Variants in DMD observed in about 807,000 individuals in gnomAD.
The protein encoded by DMD is dystrophin.
Under a neutral mutation model 330.1 loss-of-function variants are expected in DMD, and 63 were observed. The observed-to-expected ratio is 0.19, with a 90% CI of 0.16 to 0.24. DMD has a LOEUF of 0.24. DMD is among the 10% of genes least tolerant of loss of function. The pLI, the probability that DMD is intolerant of heterozygous loss-of-function variation, is 1.00. For missense variants in DMD, 3,344 were observed against 2,684.1 expected, an observed-to-expected ratio of 1.25 and a Z score of -5.43; for synonymous variants, 1,223 against 959.8, an observed-to-expected ratio of 1.27 and a Z score of -5.07.
intron 44 of DMD, among the ~76,000 whole-genome samples, chrX:32,171,872 T>C (rs1268028143): frequency 9.0e-6 from 1 of 111,600 alleles, no homozygotes; most frequent in Non-Finnish European, 1.9e-5. Context: ...TAACAATGTG[T>C]AATATTGATC....
chrX:31,120,897 C>A lies in DMD; in HGVS notation c.*1022G>T, dbSNP rs773756438. 8.9e-6 allele frequency: 1 copy of A among 111,818 alleles called. No homozygotes were observed. The highest frequency in any genetic ancestry group is 3.8e-4 in the South Asian group (1 of 2,649). 9.2% of individuals were successfully genotyped at this position (111,818 alleles called of 1,213,427 possible). On this transcript the variant is annotated 3_prime_UTR_variant, in exon 79 of 79. Transcript: ENST00000357033. Reference sequence around the variant, plus strand: ...TCAATCAATCAATCAACCAACCAACCGATTACTCACTCTGATATAATAAGT... The same window carrying A: ...TCAATCAATCAATCAACCAACCAACAGATTACTCACTCTGATATAATAAGT...
intron 9 of DMD, among the ~76,000 whole-genome samples, chrX:32,694,333 T>C (rs2063493149): frequency 1.8e-5 from 2 of 111,808 alleles, no homozygotes; most frequent in South Asian, 7.6e-4. Context: ...CTTCTTTACA[T>C]GCATTCATAG....
intron 1 of DMD, among the ~76,000 whole-genome samples, chrX:33,336,839 A>G (rs898988246): frequency 1.8e-5 from 2 of 111,248 alleles, no homozygotes; most frequent in Non-Finnish European, 3.8e-5. Flanking sequence ...TGGTCTCATC[A>G]CTCTGCAGGC....
At chrX:32,794,386 G>A (rs1341392766) in intron 7 of DMD, among the ~76,000 whole-genome samples, 2 of 111,320 alleles carry the variant, frequency 1.8e-5, no homozygotes, top group African/African-American at 3.3e-5. Context: ...TCAGGAGATC[G>A]AGATCATCCT....
intron 1 of DMD, among the ~76,000 whole-genome samples, chrX:33,262,569 T>C (rs1367010402): frequency 1.8e-5 from 2 of 110,894 alleles, no homozygotes; most frequent in Admixed American, 9.7e-5. Context: ...GGCACAGGAA[T>C]TGGCAAATGA....
chrX:32,548,316 C>T (rs898001000), intron 16 of DMD, among the ~76,000 whole-genome samples: 2 of 111,798 alleles, frequency 1.8e-5, no homozygotes, highest in African/African-American at 6.5e-5. Flanking sequence ...TAATTACATA[C>T]ACCAAACATA....
At chrX:31,573,784 C>T (rs1343410329) in intron 55 of DMD, among the ~76,000 whole-genome samples, 4 of 110,687 alleles carry the variant, frequency 3.6e-5, no homozygotes, top group Non-Finnish European at 3.8e-5. Flanking sequence ...GATAGAAGGC[C>T]CTTTAACCTA....
chrX:32,675,991 G>A (rs187875633), intron 9 of DMD, among the ~76,000 whole-genome samples: 36 of 111,310 alleles, frequency 3.2e-4, no homozygotes, highest in African/African-American at 1.1e-3. Flanking sequence ...ATGATTCAGA[G>A]CCCAGAAATT....
At position 33,092,643 on chromosome X, in the gene DMD, T is replaced by C. The variant is rs143321095; in HGVS notation, c.32-72443A>G. ...CCTTAATCCAAGCAACTGACCTCTT[T>C]TGCTTTGATTACATTACTTTCAATA... On this transcript the variant is annotated intron_variant, in intron 1 of 78. Transcript: ENST00000357033. Among the ~76,000 whole-genome samples the C allele has an allele frequency of 5.2e-3, 580 of 111,137 alleles. 4 individuals carry two copies. The highest frequency in any genetic ancestry group is 0.018 in the African/African-American group (546 of 30,599).
chrX:31,458,575 G>A lies in DMD; in HGVS notation c.8938-13948C>T, dbSNP rs1480528353. ...AATCTACCCTTTAGAAAAAGTGATT[G>A]ATATTCAACTAACAGATATATTTAA... On this transcript the variant is annotated intron_variant, in intron 59 of 78. Transcript: ENST00000357033. 4.7e-5 allele frequency among the ~76,000 whole-genome samples: 5 copies of A among 106,008 alleles called. 1 individual carries two copies. The highest frequency in any genetic ancestry group is 1.7e-4 in the African/African-American group (5 of 29,245). The allele number at this position is 106,008 out of a possible 115,157, so 92.1% of individuals were successfully genotyped here.
At chrX:31,750,018 G>A (rs1284719626) in intron 51 of DMD, among the ~76,000 whole-genome samples, 1 of 109,769 alleles carries the variant, frequency 9.1e-6, no homozygotes, top group Non-Finnish European at 1.9e-5. Context: ...AAATTTGTTG[G>A]AGTTCATTGT....
chrX:32,477,757 T>G (rs1371259893), intron 21 of DMD, among the ~76,000 whole-genome samples: 1 of 109,281 alleles, frequency 9.2e-6, no homozygotes, highest in African/African-American at 3.3e-5. Context: ...TCTTGAAAAA[T>G]AGAACTACTC....
At chrX:32,960,178 A>G (rs1029407171) in intron 2 of DMD, 1 of 111,949 alleles carries the variant, frequency 8.9e-6, no homozygotes, top group Non-Finnish European at 1.9e-5. Flanking sequence ...CTTAGTAAAC[A>G]AAAGGCAATC....
At chrX:31,861,005 T>C (rs761494865) in intron 48 of DMD, among the ~76,000 whole-genome samples, 1 of 112,241 alleles carries the variant, frequency 8.9e-6, no homozygotes, top group East Asian at 2.8e-4. Flanking sequence ...ACCTTAAGAC[T>C]AGAATCTGTC....
intron 1 of DMD, chrX:33,128,158 T>G: frequency 8.3e-7 from 1 of 1,207,522 alleles, no homozygotes; most frequent in Non-Finnish European, 1.1e-6. Context: ...AGATGAGACC[T>G]CAGACATTTC....
chrX:32,834,829 G>C (rs1156451710), intron 4 of DMD, among the ~76,000 whole-genome samples: 8 of 111,010 alleles, frequency 7.2e-5, no homozygotes, highest in Admixed American at 6.8e-4. Context: ...ATGTTCCTAG[G>C]GTATATTTCA....
At chrX:31,903,052 A>G (rs2094441520) in intron 47 of DMD, among the ~76,000 whole-genome samples, 1 of 111,710 alleles carries the variant, frequency 9.0e-6, no homozygotes, top group South Asian at 3.7e-4. Flanking sequence ...ATGACATCCA[A>G]TAAAATTATA....
At position 32,754,391 on chromosome X, in the gene DMD, G is replaced by A. The variant is rs779780072; in HGVS notation, c.650-55098C>T. 9.5e-4 allele frequency among the ~76,000 whole-genome samples: 104 copies of A among 110,028 alleles called. 1 individual carries two copies. The highest frequency in any genetic ancestry group is 3.3e-3 in the African/African-American group (100 of 30,274). ...CAGACTTTTACCACTCTGCCCTCCT[G>A]ACTAAAATGTGTATTCTATATACAG... is the stretch of plus-strand genomic sequence containing the variant. On this transcript the variant is annotated intron_variant, in intron 7 of 78. Coordinates refer to ENST00000357033, the MANE Select transcript of DMD (RefSeq NM_004006.3).
chrX:32,630,499 A>G (rs1289072097), intron 11 of DMD, among the ~76,000 whole-genome samples: 1 of 110,193 alleles, frequency 9.1e-6, no homozygotes, highest in Non-Finnish European at 1.9e-5. Context: ...GTTCTGTGTT[A>G]TTACCCTCTT....
Sources: gnomAD v4.1 joint callset for allele counts (sites outside exome capture counted in the v4.1 genomes callset) on GRCh38, gnomAD v4.1.1 for gene constraint, MANE v1.5 for transcripts, NCBI Gene and HGNC (gene_info 2026-07-23, HGNC 2026-07-21) for gene names.